MSI2: variants seen among roughly 807,000 people sequenced by gnomAD.
MSI2 encodes the protein musashi RNA binding protein 2, also known as RNA-binding protein Musashi homolog 2.
MSI2 carries 17 observed loss-of-function variants against 45.6 expected under a neutral mutation model. The observed-to-expected ratio is 0.37, with a 90% CI of 0.26 to 0.56. The LOEUF is 0.56. MSI2 is among the 20% of genes least tolerant of loss of function. MSI2 has a pLI of 0.77. For synonymous variants in MSI2, 156 were observed against 158.2 expected (o/e 0.99, Z 0.11); for missense variants, 293 against 444.2 (o/e 0.66, Z 3.06).
chr17:57,511,211 G>T (rs956739698), intron 6 of MSI2, among the ~76,000 whole-genome samples: 4 of 152,332 alleles, frequency 2.6e-5, no homozygotes, highest in African/African-American at 9.6e-5. Context: ...GAAAAGACAT[G>T]GGCCCTGCCC....
intron 5 of MSI2, among the ~76,000 whole-genome samples, chr17:57,398,346 T>C (rs77388901): frequency 0.026 from 3,921 of 152,292 alleles, 174 homozygotes; most frequent in African/African-American, 0.089. Context: ...TTGAGAACTC[T>C]ACTAGTGTAT....
chr17:57,317,369 C>G (rs1480249026), intron 5 of MSI2, among the ~76,000 whole-genome samples: 3 of 152,124 alleles, frequency 2.0e-5, no homozygotes, highest in Admixed American at 6.6e-5. Flanking sequence ...AAAATTTTAA[C>G]CCCATCAGAA....
chr17:57,482,604 G>GA (rs2085669733), intron 6 of MSI2, among the ~76,000 whole-genome samples: 2 of 152,166 alleles, frequency 1.3e-5, no homozygotes, highest in South Asian at 4.2e-4. Flanking sequence ...GTGTGACCTT[G>GA]GACAAGTTCC....
chr17:57,504,293 C>A (rs1411264853), intron 6 of MSI2, among the ~76,000 whole-genome samples: 1 of 152,200 alleles, frequency 6.6e-6, no homozygotes, highest in Non-Finnish European at 1.5e-5. Context: ...AGGCAGCCCC[C>A]CGGGATTCTC....
At chr17:57,450,643 C>T (rs985027894) in intron 6 of MSI2, among the ~76,000 whole-genome samples, 11 of 130,244 alleles carry the variant, frequency 8.4e-5, no homozygotes, top group Non-Finnish European at 1.5e-4. Context: ...TGCACTCCAG[C>T]CTGGGTGACA....
At chr17:57,409,122 A>G (rs2084140644) in intron 6 of MSI2, among the ~76,000 whole-genome samples, 1 of 152,208 alleles carries the variant, frequency 6.6e-6, no homozygotes, top group African/African-American at 2.4e-5. Context: ...ATTCGAAGCC[A>G]TATTAGTGAG....
At chr17:57,528,617 A>G (rs1190909038) in intron 6 of MSI2, among the ~76,000 whole-genome samples, 1 of 152,186 alleles carries the variant, frequency 6.6e-6, no homozygotes, top group Non-Finnish European at 1.5e-5. Flanking sequence ...GAAGTTCAAG[A>G]TCAAGGTGTG....
intron 5 of MSI2, among the ~76,000 whole-genome samples, chr17:57,275,394 G>T (rs1434740615): frequency 1.3e-5 from 2 of 152,168 alleles, no homozygotes; most frequent in Non-Finnish European, 2.9e-5. Flanking sequence ...GAGGGCAAGG[G>T]TTACTTTTTC....
intron 6 of MSI2, among the ~76,000 whole-genome samples, chr17:57,476,498 T>C (rs763538287): frequency 6.6e-6 from 1 of 152,234 alleles, no homozygotes; most frequent in Admixed American, 6.5e-5. Flanking sequence ...GCTGCTGGTA[T>C]AACTGAACTC....
chr17:57,572,626 T>C (rs758471601), intron 7 of MSI2, among the ~76,000 whole-genome samples: 1 of 152,182 alleles, frequency 6.6e-6, no homozygotes, highest in Non-Finnish European at 1.5e-5. Context: ...CCAATATTGA[T>C]TGAATCGAAG....
intron 6 of MSI2, among the ~76,000 whole-genome samples, chr17:57,473,060 T>G (rs2085470348): frequency 6.6e-6 from 1 of 152,050 alleles, no homozygotes; most frequent in Non-Finnish European, 1.5e-5. Context: ...GTCTAGCTAA[T>G]TTTTGTACTT....
intron 5 of MSI2, among the ~76,000 whole-genome samples, chr17:57,399,873 A>C (rs1448003204): frequency 6.6e-6 from 1 of 152,184 alleles, no homozygotes; most frequent in Admixed American, 6.5e-5. Flanking sequence ...GCCCTACAGC[A>C]CAGCCTGCCA....
At chr17:57,549,664 A>G (rs1396869624) in intron 7 of MSI2, among the ~76,000 whole-genome samples, 1 of 152,184 alleles carries the variant, frequency 6.6e-6, no homozygotes, top group Non-Finnish European at 1.5e-5. Context: ...CCCTCCATTT[A>G]CCTAATGGGT....
chr17:57,261,780 A>G (rs922537562), intron 4 of MSI2, among the ~76,000 whole-genome samples: 1 of 152,204 alleles, frequency 6.6e-6, no homozygotes, highest in African/African-American at 2.4e-5. Flanking sequence ...CCCAATGATA[A>G]TGATGCTCCC....
At chr17:57,368,614 A>G (rs1048645019) in intron 5 of MSI2, among the ~76,000 whole-genome samples, 4 of 152,368 alleles carry the variant, frequency 2.6e-5, no homozygotes, top group African/African-American at 4.8e-5. Flanking sequence ...ATATTGAGAG[A>G]TATAACACAC....
intron 8 of MSI2, among the ~76,000 whole-genome samples, chr17:57,609,670 A>G (rs900947625): frequency 6.6e-6 from 1 of 152,218 alleles, no homozygotes; most frequent in Non-Finnish European, 1.5e-5. Flanking sequence ...TACTCCTCAG[A>G]CTGCCAGCCA....
intron 5 of MSI2, among the ~76,000 whole-genome samples, chr17:57,284,452 CTG>C (rs1275971348): frequency 6.6e-6 from 1 of 152,138 alleles, no homozygotes; most frequent in African/African-American, 2.4e-5. Flanking sequence ...AGAGGTGTGC[CTG>C]TGTGTTTTTT....
rs185018344 is a variant in MSI2 at position 57,617,919 on chromosome 17, A to T, written c.652+1835A>T. ...AACCCTGTCTCTACTAAAAATACAG[A>T]AATCAGCTGGGCACTGCAGCACGTG... On this transcript the variant is annotated intron_variant, in intron 9 of 13. Coordinates refer to ENST00000284073, the MANE Select transcript of MSI2 (RefSeq NM_138962.4). Among the ~76,000 whole-genome samples the T allele has an allele frequency of 6.6e-5, 10 of 152,158 alleles. No homozygotes were observed. In the East Asian group the frequency reaches 1.9e-3, roughly 29 times the overall value.
chr17:57,442,921 C>T (rs528903662), intron 6 of MSI2, among the ~76,000 whole-genome samples: 32 of 152,268 alleles, frequency 2.1e-4, no homozygotes, highest in Admixed American at 6.5e-5. Flanking sequence ...TGAAGAAAAG[C>T]GCTAATGGGA....
Sources: gnomAD v4.1 joint callset for allele counts (sites outside exome capture counted in the v4.1 genomes callset) on GRCh38, gnomAD v4.1.1 for gene constraint, MANE v1.5 for transcripts, NCBI Gene and HGNC (gene_info 2026-07-23, HGNC 2026-07-21) for gene names.